TMEM108: variants seen among roughly 807,000 people sequenced by gnomAD.
TMEM108 encodes transmembrane protein 108, also known as cancer/testis antigen 124.
TMEM108 carries 12 observed loss-of-function variants against 35.1 expected under a neutral mutation model. The observed-to-expected ratio is 0.34, with a 90% CI of 0.22 to 0.55. The LOEUF is 0.55. Among genes scored for constraint, TMEM108 ranks in the 20% least tolerant of loss-of-function variants. The pLI is 0.89. For synonymous variants in TMEM108, 287 were observed against 308.6 expected (o/e 0.93, Z 0.73); for missense variants, 680 against 753.3 (o/e 0.90, Z 1.14).
At chr3:133,122,087 T>A (rs1056776126) in intron 2 of TMEM108, among the ~76,000 whole-genome samples, 1 of 152,178 alleles carries the variant, frequency 6.6e-6, no homozygotes, top group Non-Finnish European at 1.5e-5. Flanking sequence ...TCCAGTTTTT[T>A]AATTCTTGTT....
intron 3 of TMEM108, among the ~76,000 whole-genome samples, chr3:133,297,192 AGATGTGT>A (rs1212434678): frequency 6.6e-6 from 1 of 152,216 alleles, no homozygotes; most frequent in Non-Finnish European, 1.5e-5. Context: ...TTGCCAGGAC[AGATGTGT>A]GCGTGGCTGA....
At chr3:133,288,034 A>G (rs1241333348) in intron 3 of TMEM108, among the ~76,000 whole-genome samples, 2 of 152,216 alleles carry the variant, frequency 1.3e-5, no homozygotes, top group African/African-American at 2.4e-5. Context: ...TTGCATTTTA[A>G]TCAAGCCCCA....
chr3:133,203,645 C>T lies in TMEM108; in HGVS notation c.-46-25621C>T, dbSNP rs571533766. On this transcript the variant is annotated intron_variant, in intron 2 of 5. Transcript: ENST00000321871. Reference sequence around the variant, plus strand: ...CAGCCTTGCATCCCCGGGATGAAGCCGACTTGATCATGGTGGATAAGCTAT... The same window carrying T: ...CAGCCTTGCATCCCCGGGATGAAGCTGACTTGATCATGGTGGATAAGCTAT... 1.5e-4 allele frequency among the ~76,000 whole-genome samples: 23 copies of T among 152,194 alleles called. No individual in the cohort carries two copies. The South Asian group carries it at 4.4e-3, about 29-fold the overall frequency.
At chr3:133,209,996 A>G (rs1945813465) in intron 2 of TMEM108, among the ~76,000 whole-genome samples, 1 of 152,196 alleles carries the variant, frequency 6.6e-6, no homozygotes, top group Admixed American at 6.5e-5. Flanking sequence ...AAGATCACCA[A>G]AAGCTCATGT....
intron 2 of TMEM108, among the ~76,000 whole-genome samples, chr3:133,123,872 A>C (rs1186182083): frequency 6.6e-6 from 1 of 152,178 alleles, no homozygotes; most frequent in Non-Finnish European, 1.5e-5. Flanking sequence ...ATTTTGGAAG[A>C]AAGTTGGCTG....
chr3:133,159,206 C>A (rs910708960), intron 2 of TMEM108, among the ~76,000 whole-genome samples: 1 of 152,196 alleles, frequency 6.6e-6, no homozygotes, highest in African/African-American at 2.4e-5. Context: ...CTTATCACAC[C>A]AGTCGATAGT....
chr3:133,179,809 AAAAATAAAAT>A (rs553162936), intron 2 of TMEM108, among the ~76,000 whole-genome samples: 2 of 151,826 alleles, frequency 1.3e-5, no homozygotes, highest in Admixed American at 6.6e-5. Context: ...AGTATAATAA[AAAAATAAAAT>A]AAAATAAAAT....
intron 2 of TMEM108, among the ~76,000 whole-genome samples, chr3:133,200,611 C>T (rs1233887030): frequency 6.6e-6 from 1 of 152,170 alleles, no homozygotes; most frequent in South Asian, 2.1e-4. Context: ...TAAAGGAAAG[C>T]AAAGAGAATC....
At chr3:133,342,557 C>CACAT (rs2071696161) in intron 3 of TMEM108, among the ~76,000 whole-genome samples, 1 of 44,776 alleles carries the variant, frequency 2.2e-5, no homozygotes, top group Admixed American at 2.0e-4. Context: ...TATATATATA[C>CACAT]ACACACACAC....
chr3:133,292,126 TGCGTA>T (rs1278082438), intron 3 of TMEM108, among the ~76,000 whole-genome samples: 1 of 151,570 alleles, frequency 6.6e-6, no homozygotes, highest in Non-Finnish European at 1.5e-5. Flanking sequence ...CCTTGATGGT[TGCGTA>T]GAAGTTTACC....
intron 2 of TMEM108, among the ~76,000 whole-genome samples, chr3:133,172,100 G>A (rs1945138682): frequency 6.6e-6 from 1 of 152,126 alleles, no homozygotes; most frequent in Non-Finnish European, 1.5e-5. Flanking sequence ...CTGCTCTAAG[G>A]TTTTTGCATT....
chr3:133,134,292 A>G (rs1944533439), intron 2 of TMEM108, among the ~76,000 whole-genome samples: 1 of 152,074 alleles, frequency 6.6e-6, no homozygotes, highest in African/African-American at 2.4e-5. Flanking sequence ...ATTGTATTCA[A>G]TATTCTATAT....
intron 3 of TMEM108, 60 bp downstream of exon 3, chr3:133,229,411 A>AC (rs1553750607): frequency 1.3e-6 from 2 of 1,555,048 alleles, no homozygotes; most frequent in Non-Finnish European, 1.8e-6. Flanking sequence ...TTTGCTGGGT[A>AC]CCCACAACTT....
chr3:133,356,588 G>T (rs2072178788), intron 3 of TMEM108, among the ~76,000 whole-genome samples: 1 of 152,166 alleles, frequency 6.6e-6, no homozygotes, highest in African/African-American at 2.4e-5. Flanking sequence ...CAAAGCTACA[G>T]TTACCAAAAC....
chr3:133,333,905 T>A (rs921686340), intron 3 of TMEM108, among the ~76,000 whole-genome samples: 9 of 152,220 alleles, frequency 5.9e-5, no homozygotes, highest in Non-Finnish European at 8.8e-5. Flanking sequence ...GAATTTCAAA[T>A]TACATTTCGT....
intron 2 of TMEM108, among the ~76,000 whole-genome samples, chr3:133,122,665 C>G (rs1007056255): frequency 6.6e-6 from 1 of 151,930 alleles, no homozygotes; most frequent in African/African-American, 2.4e-5. Flanking sequence ...AGATCAAGAC[C>G]GTCCTGGCTA....
At chr3:133,176,796 G>T (rs1230810032) in intron 2 of TMEM108, among the ~76,000 whole-genome samples, 1 of 151,858 alleles carries the variant, frequency 6.6e-6, no homozygotes, top group African/African-American at 2.4e-5. Flanking sequence ...GCTAGCAGAA[G>T]GCAAGAAATA....
At chr3:133,334,020 A>T (rs1327041613) in intron 3 of TMEM108, among the ~76,000 whole-genome samples, 1 of 152,210 alleles carries the variant, frequency 6.6e-6, no homozygotes, top group Non-Finnish European at 1.5e-5. Context: ...GGAATCATAG[A>T]ATATTAACTT....
At chr3:133,230,076 C>T (rs996172555) in intron 3 of TMEM108, among the ~76,000 whole-genome samples, 1 of 152,210 alleles carries the variant, frequency 6.6e-6, no homozygotes, top group African/African-American at 2.4e-5. Context: ...AGACAATAGG[C>T]ATTACCCGCT....
Sources: gnomAD v4.1 joint callset for allele counts (sites outside exome capture counted in the v4.1 genomes callset) on GRCh38, gnomAD v4.1.1 for gene constraint, MANE v1.5 for transcripts, NCBI Gene and HGNC (gene_info 2026-07-23, HGNC 2026-07-21) for gene names.